L3MBTL4: variants seen among roughly 807,000 people sequenced by gnomAD.
The protein encoded by L3MBTL4 is lethal(3)malignant brain tumor-like protein 4.
A neutral mutation model predicts 84.5 loss-of-function variants in L3MBTL4; 70 were observed. The observed-to-expected ratio is 0.83, with a 90% CI of 0.68 to 1.01. The LOEUF is 1.01. Ranked by LOEUF, L3MBTL4 falls within the 50% of genes least tolerant of loss-of-function variation. The pLI, the probability that L3MBTL4 is intolerant of heterozygous loss-of-function variation, is 0.00. For missense variants in L3MBTL4, 715 were observed against 754.8 expected, an observed-to-expected ratio of 0.95 and a Z score of 0.62; for synonymous variants, 274 against 259.8, an observed-to-expected ratio of 1.05 and a Z score of -0.52.
At chr18:6,104,241 C>T (rs1399669365) in intron 14 of L3MBTL4, among the ~76,000 whole-genome samples, 3 of 152,104 alleles carry the variant, frequency 2.0e-5, no homozygotes, top group Admixed American at 1.3e-4. Flanking sequence ...TCCAAAAGAA[C>T]TGAAATGAGC....
At chr18:6,374,810 T>A (rs1170135250) in intron 1 of L3MBTL4, among the ~76,000 whole-genome samples, 1 of 152,080 alleles carries the variant, frequency 6.6e-6, no homozygotes, top group Non-Finnish European at 1.5e-5. Context: ...ACACTGCCAC[T>A]TCTATTACTG....
At chr18:5,980,980 G>C (rs1275133904) in intron 16 of L3MBTL4, among the ~76,000 whole-genome samples, 1 of 152,168 alleles carries the variant, frequency 6.6e-6, no homozygotes, top group Admixed American at 6.5e-5. Context: ...TGCTGCTTGG[G>C]GAAGCATGCC....
chr18:6,311,631 C>A lies in L3MBTL4; in HGVS notation c.-6G>T. ...TTCCTGTTGGGCTGTTTCATTGCCACCCCCGCACTCCTTGGCAGTGGTTTT... is the reference window on the plus strand; with the variant it reads ...TTCCTGTTGGGCTGTTTCATTGCCAACCCCGCACTCCTTGGCAGTGGTTTT... On this transcript the variant is annotated 5_prime_UTR_variant, in exon 3 of 19. Coordinates refer to ENST00000317931, the MANE Select transcript of L3MBTL4 (RefSeq NM_001330559.2). The A allele has an allele frequency of 1.9e-6, 3 of 1,612,158 alleles. No homozygotes were observed. The highest frequency in any genetic ancestry group is 1.3e-5 in the African/African-American group (1 of 74,974).
chr18:6,238,941 T>G (rs967359640), intron 9 of L3MBTL4, among the ~76,000 whole-genome samples: 7 of 151,950 alleles, frequency 4.6e-5, no homozygotes, highest in Non-Finnish European at 1.0e-4. Context: ...CCCTTTCAAC[T>G]CATGTCATGT....
intron 16 of L3MBTL4, among the ~76,000 whole-genome samples, chr18:6,019,896 C>G (rs182590125): frequency 9.9e-5 from 15 of 152,262 alleles, no homozygotes; most frequent in African/African-American, 3.6e-4. Context: ...ATGTTTCTTT[C>G]TTTAAAAGTT....
chr18:6,241,545 C>A, intron 7 of L3MBTL4, 96 bp from the exon 8 acceptor site: 6 of 655,390 alleles, frequency 9.2e-6, no homozygotes, highest in African/African-American at 3.7e-5. Flanking sequence ...CGGTTTTGGC[C>A]ATTACTTTTA....
intron 16 of L3MBTL4, among the ~76,000 whole-genome samples, chr18:6,033,541 A>G (rs914975074): frequency 6.6e-6 from 1 of 152,206 alleles, no homozygotes; most frequent in African/African-American, 2.4e-5. Flanking sequence ...ATTGCATTAC[A>G]ATTATATTAC....
At chr18:6,141,267 C>T (rs922193238) in intron 13 of L3MBTL4, among the ~76,000 whole-genome samples, 2 of 152,044 alleles carry the variant, frequency 1.3e-5, no homozygotes, top group African/African-American at 2.4e-5. Context: ...TTGTAATCTC[C>T]TTTGCCAGCA....
chr18:6,017,336 C>T (rs568124157), intron 16 of L3MBTL4, among the ~76,000 whole-genome samples: 3,453 of 152,244 alleles, frequency 0.023, 113 homozygotes, highest in African/African-American at 0.08. Context: ...GATGCTGGCG[C>T]GCCACAGCCG....
chr18:6,143,980 A>G (rs143782613), intron 13 of L3MBTL4, among the ~76,000 whole-genome samples: 6,690 of 152,082 alleles, frequency 0.044, 247 homozygotes, highest in African/African-American at 0.099. Flanking sequence ...GGCGGATCAC[A>G]AGGTCAGGAG....
intron 4 of L3MBTL4, among the ~76,000 whole-genome samples, chr18:6,268,217 C>T (rs1207890014): frequency 6.6e-6 from 1 of 152,040 alleles, no homozygotes; most frequent in Admixed American, 6.6e-5. Flanking sequence ...ACCAGCCTGG[C>T]CAACACGGTG....
At chr18:6,055,484 G>T (rs1282078726) in intron 16 of L3MBTL4, among the ~76,000 whole-genome samples, 2 of 151,816 alleles carry the variant, frequency 1.3e-5, no homozygotes, top group Non-Finnish European at 2.9e-5. Flanking sequence ...TATGTTAAAG[G>T]CACAGATTGA....
chr18:6,202,837 T>C (rs991885258), intron 12 of L3MBTL4, among the ~76,000 whole-genome samples: 1 of 152,060 alleles, frequency 6.6e-6, no homozygotes, highest in Admixed American at 6.6e-5. Context: ...ACAAAAGATG[T>C]CAAAAGTACC....
chr18:6,169,181 A>G (rs940673766), intron 13 of L3MBTL4, among the ~76,000 whole-genome samples: 8 of 152,222 alleles, frequency 5.3e-5, no homozygotes, highest in Admixed American at 5.2e-4. Context: ...AGGAAAAAAC[A>G]GGTGCTGGAG....
intron 5 of L3MBTL4, among the ~76,000 whole-genome samples, chr18:6,247,872 C>T (rs2047747890): frequency 6.6e-6 from 1 of 151,876 alleles, no homozygotes; most frequent in South Asian, 2.1e-4. Context: ...TGCCAGAATA[C>T]TACATGGATG....
chr18:5,983,608 A>T (rs2053334591), intron 16 of L3MBTL4, among the ~76,000 whole-genome samples: 1 of 152,204 alleles, frequency 6.6e-6, no homozygotes, highest in East Asian at 1.9e-4. Flanking sequence ...CCTGTTGGTT[A>T]TCACGGGTAA....
At chr18:6,185,877 G>T (rs2044702200) in intron 12 of L3MBTL4, among the ~76,000 whole-genome samples, 8 of 152,170 alleles carry the variant, frequency 5.3e-5, no homozygotes, top group Admixed American at 5.2e-4. Flanking sequence ...CAGCAAGGCA[G>T]CCACTGCAAG....
At chr18:6,392,054 A>C (rs1421365881) in intron 1 of L3MBTL4, among the ~76,000 whole-genome samples, 1 of 152,188 alleles carries the variant, frequency 6.6e-6, no homozygotes, top group Non-Finnish European at 1.5e-5. Flanking sequence ...AACAACCCTA[A>C]GCATAAAGAA....
intron 5 of L3MBTL4, among the ~76,000 whole-genome samples, chr18:6,249,860 A>T (rs552691575): frequency 3.3e-5 from 5 of 152,340 alleles, no homozygotes; most frequent in African/African-American, 1.2e-4. Context: ...ACCTGGAAAA[A>T]ATTACAGATC....
Sources: gnomAD v4.1 joint callset for allele counts (sites outside exome capture counted in the v4.1 genomes callset) on GRCh38, gnomAD v4.1.1 for gene constraint, MANE v1.5 for transcripts, NCBI Gene and HGNC (gene_info 2026-07-23, HGNC 2026-07-21) for gene names.